EYS: variants seen among roughly 807,000 people sequenced by gnomAD.
The protein encoded by EYS is protein eyes shut homolog.
A neutral mutation model predicts 282.1 loss-of-function variants in EYS; 250 were observed. The observed-to-expected ratio is 0.89, with a 90% CI of 0.80 to 0.98. The LOEUF is 0.98. EYS is among the 50% of genes least tolerant of loss of function. The pLI, the probability that EYS is intolerant of heterozygous loss-of-function variation, is 0.00. For synonymous variants in EYS, 1,355 were observed against 1,282.9 expected, an observed-to-expected ratio of 1.06 and a Z score of -1.20; for missense variants, 4,016 against 3,709.0, an observed-to-expected ratio of 1.08 and a Z score of -2.15.
At chr6:64,928,312 A>G (rs1294147853) in intron 15 of EYS, among the ~76,000 whole-genome samples, 1 of 152,150 alleles carries the variant, frequency 6.6e-6, no homozygotes, top group East Asian at 1.9e-4. Flanking sequence ...AAGAAAATAC[A>G]GATTTTGCAG....
chr6:65,382,816 G>A (rs72888640), intron 8 of EYS, among the ~76,000 whole-genome samples: 2 of 152,072 alleles, frequency 1.3e-5, no homozygotes, highest in Non-Finnish European at 2.9e-5. Context: ...GCTGGCAGAT[G>A]ATTAGATGGT....
intron 36 of EYS, among the ~76,000 whole-genome samples, chr6:63,824,057 G>A (rs1424644624): frequency 6.6e-6 from 1 of 152,146 alleles, no homozygotes; most frequent in African/African-American, 2.4e-5. Flanking sequence ...TCTTACAAGT[G>A]ACAGCTAGAT....
chr6:63,823,749 A>G (rs1196268588), intron 36 of EYS, among the ~76,000 whole-genome samples: 1 of 152,074 alleles, frequency 6.6e-6, no homozygotes, highest in African/African-American at 2.4e-5. Context: ...ACATCTTAAA[A>G]TGGGTACTTC....
At chr6:63,855,404 TC>T (rs1478541256) in intron 36 of EYS, among the ~76,000 whole-genome samples, 1 of 152,196 alleles carries the variant, frequency 6.6e-6, no homozygotes. Flanking sequence ...GAAAAATACT[TC>T]TGGAAATATT....
chr6:64,094,001 T>C (rs1200862399), intron 31 of EYS, among the ~76,000 whole-genome samples: 2 of 152,196 alleles, frequency 1.3e-5, no homozygotes, highest in African/African-American at 4.8e-5. Context: ...TTTCTGCATC[T>C]ATTGAGGTAA....
intron 2 of EYS, among the ~76,000 whole-genome samples, chr6:65,607,695 A>T (rs185138522): frequency 6.6e-6 from 1 of 152,030 alleles, no homozygotes; most frequent in African/African-American, 2.4e-5. Context: ...TTTGTGCTTT[A>T]AAGTCCATTA....
At chr6:64,335,867 C>T (rs1336480843) in intron 29 of EYS, among the ~76,000 whole-genome samples, 1 of 151,960 alleles carries the variant, frequency 6.6e-6, no homozygotes. Flanking sequence ...TTTTTGTATC[C>T]AGCAAAACTA....
At chr6:63,841,563 C>A (rs1252889041) in intron 36 of EYS, among the ~76,000 whole-genome samples, 1 of 152,170 alleles carries the variant, frequency 6.6e-6, no homozygotes, top group African/African-American at 2.4e-5. Context: ...CTAACTCTTA[C>A]TATTTTGTAA....
At chr6:65,536,275 C>A (rs1354179861) in intron 2 of EYS, among the ~76,000 whole-genome samples, 6 of 147,706 alleles carry the variant, frequency 4.1e-5, no homozygotes, top group Non-Finnish European at 8.9e-5. Context: ...TATTTAGAGA[C>A]CAGATAGGAA....
chr6:65,174,053 T>A (rs547527948), intron 12 of EYS, among the ~76,000 whole-genome samples: 2 of 150,990 alleles, frequency 1.3e-5, no homozygotes, highest in African/African-American at 2.4e-5. Flanking sequence ...ACCCACATGA[T>A]ACAAAATAAT....
At chr6:64,413,462 A>C (rs1773969237) in intron 28 of EYS, among the ~76,000 whole-genome samples, 1 of 151,986 alleles carries the variant, frequency 6.6e-6, no homozygotes, top group Non-Finnish European at 1.5e-5. Context: ...GAACAGACAA[A>C]ATCTTCAAAA....
chr6:64,797,999 T>C (rs957316022), intron 22 of EYS, among the ~76,000 whole-genome samples: 1 of 151,910 alleles, frequency 6.6e-6, no homozygotes, highest in East Asian at 1.9e-4. Flanking sequence ...AACCTAGATA[T>C]ATATACATAT....
chr6:64,207,758 A>C (rs1765652756), intron 31 of EYS, among the ~76,000 whole-genome samples: 2 of 152,240 alleles, frequency 1.3e-5, no homozygotes, highest in Non-Finnish European at 2.9e-5. Flanking sequence ...CCCAAGTTCA[A>C]GCAATTTTCC....
At chr6:64,045,437 ATTTAT>A (rs1157865615) in intron 33 of EYS, among the ~76,000 whole-genome samples, 7 of 108,182 alleles carry the variant, frequency 6.5e-5, no homozygotes, top group African/African-American at 1.8e-4. Context: ...ATTTTATTTT[ATTTAT>A]TTTATTTTAT....
chr6:65,619,395 A>G (rs1405811913), intron 2 of EYS, among the ~76,000 whole-genome samples: 1 of 152,176 alleles, frequency 6.6e-6, no homozygotes, highest in Non-Finnish European at 1.5e-5. Flanking sequence ...ATTTTTGTAC[A>G]TTGATCTTGT....
rs1230819313 is a variant in EYS at position 63,949,023 on chromosome 6, A to AT, written c.7055+35359dup. ...AGTGTACTACCTATAATATTTTGAG[A>AT]TTTTTTAATATACAAAAATGAGCAT... On this transcript the variant is annotated intron_variant, in intron 35 of 42. Coordinates refer to ENST00000503581, the MANE Select transcript of EYS (RefSeq NM_001142800.2). Among the ~76,000 whole-genome samples, 3 of 152,208 alleles carry AT rather than the reference A, an allele frequency of 2.0e-5. No individual in the cohort carries two copies. In the East Asian group the frequency reaches 5.8e-4, roughly 29 times the overall value.
At chr6:64,751,535 C>T (rs1465202439) in intron 22 of EYS, among the ~76,000 whole-genome samples, 2 of 152,294 alleles carry the variant, frequency 1.3e-5, no homozygotes, top group South Asian at 2.1e-4. Context: ...GCAGCTTTGT[C>T]CCCCACTCTG....
chr6:63,909,077 C>A (rs563512938), intron 35 of EYS, among the ~76,000 whole-genome samples: 1 of 151,986 alleles, frequency 6.6e-6, no homozygotes, highest in Admixed American at 6.6e-5. Context: ...CTGAAAAGGC[C>A]CATAGAGCCA....
At chr6:64,697,305 G>A (rs1770613947) in intron 22 of EYS, among the ~76,000 whole-genome samples, 1 of 151,884 alleles carries the variant, frequency 6.6e-6, no homozygotes, top group Admixed American at 6.6e-5. Context: ...AAGACAAAAA[G>A]GTCATTATAT....
Sources: gnomAD v4.1 joint callset for allele counts (sites outside exome capture counted in the v4.1 genomes callset) on GRCh38, gnomAD v4.1.1 for gene constraint, MANE v1.5 for transcripts, NCBI Gene and HGNC (gene_info 2026-07-23, HGNC 2026-07-21) for gene names.